Variants in ZNF488 observed in about 807,000 individuals in gnomAD.
ZNF488 encodes zinc finger protein 488.
A neutral mutation model predicts 1.2 loss-of-function variants in ZNF488; 1 was observed. The observed-to-expected ratio is 0.86, with a 90% CI of 0.30 to 4.07. The LOEUF is 4.07. Ranked by LOEUF, ZNF488 falls within the 30% of genes most tolerant of loss-of-function variation. The pLI, the probability that ZNF488 is intolerant of heterozygous loss-of-function variation, is 0.18. For synonymous variants in ZNF488, 185 were observed against 190.1 expected, an observed-to-expected ratio of 0.97 and a Z score of 0.22; for missense variants, 450 against 437.9, an observed-to-expected ratio of 1.03 and a Z score of -0.25.
chr10:47,379,177 G>C (rs1224119700), intron 1 of ZNF488, among the ~76,000 whole-genome samples: 2 of 131,814 alleles, frequency 1.5e-5, no homozygotes, highest in Non-Finnish European at 3.3e-5. Context: ...TATCGGCTAC[G>C]TAAGTATCTA....
chr10:47,369,431 G>C (rs1837380340), intron 1 of ZNF488, among the ~76,000 whole-genome samples: 1 of 152,148 alleles, frequency 6.6e-6, no homozygotes, highest in African/African-American at 2.4e-5. Context: ...AGTGCTGAGG[G>C]CACAGGGAGG....
intron 1 of ZNF488, among the ~76,000 whole-genome samples, chr10:47,374,836 A>T (rs1443376157): frequency 1.3e-5 from 2 of 152,180 alleles, no homozygotes; most frequent in Non-Finnish European, 2.9e-5. Context: ...TCGACTGCAC[A>T]TCCGGGGCTG....
chr10:47,375,965 G>A (rs1011125770), intron 1 of ZNF488, among the ~76,000 whole-genome samples: 12 of 152,208 alleles, frequency 7.9e-5, no homozygotes, highest in African/African-American at 2.2e-4. Flanking sequence ...GACGTAAATC[G>A]AGAGTGTTTG....
At chr10:47,380,422 C>G (rs1347218219) in intron 1 of ZNF488, among the ~76,000 whole-genome samples, 6 of 152,296 alleles carry the variant, frequency 3.9e-5, no homozygotes, top group Non-Finnish European at 8.8e-5. Flanking sequence ...CTGAGCTCCC[C>G]AAGTCTACAG....
At chr10:47,384,180 C>G (rs1555215889) in intron 1 of ZNF488, 40 bp downstream of exon 1, 1 of 153,612 alleles carries the variant, frequency 6.5e-6, no homozygotes, top group Non-Finnish European at 1.4e-5. Flanking sequence ...CCCGCGCCCG[C>G]TCGCGGCTCT....
Position 47,365,946 on chromosome 10 carries a change from AG to A in ZNF488, c.*1860del, listed in dbSNP as rs1321527187. On this transcript the variant is annotated 3_prime_UTR_variant, in exon 2 of 2. Transcript: ENST00000585316. ...CCCACTGCCACCTGTGGGCCTCATA[AG>A]GGCAAGCTCGGCCCATGAAGGTAGC... 6.0e-6 allele frequency: 1 copy of A among 167,152 alleles called. No homozygotes were observed. Among genetic ancestry groups the A allele is most frequent in the Non-Finnish European group, 1.5e-5 (1 of 68,162 alleles). The allele number at this position is 167,152 out of a possible 1,614,324, so 10.4% of individuals were successfully genotyped here. A position where few individuals can be genotyped will look rare whatever the true frequency, so the allele number is the denominator to read the frequency against.
chr10:47,376,879 T>G (rs1837699861), intron 1 of ZNF488, among the ~76,000 whole-genome samples: 1 of 152,246 alleles, frequency 6.6e-6, no homozygotes, highest in Non-Finnish European at 1.5e-5. Context: ...TACCCTTGTG[T>G]GCAGACTTGA....
At chr10:47,379,418 G>A (rs1274175138) in intron 1 of ZNF488, among the ~76,000 whole-genome samples, 1 of 135,828 alleles carries the variant, frequency 7.4e-6, no homozygotes, top group Non-Finnish European at 1.6e-5. Context: ...CTCCATCAAT[G>A]TTAACATCCA....
chr10:47,377,774 CA>C (rs1219849066), intron 1 of ZNF488, among the ~76,000 whole-genome samples: 1 of 152,048 alleles, frequency 6.6e-6, no homozygotes, highest in Non-Finnish European at 1.5e-5. Flanking sequence ...CAGCATCTAG[CA>C]GCAGCTGCCA....
Position 47,367,919 on chromosome 10 carries a change from C to A in ZNF488, c.911G>T (p.Gly304Val), listed in dbSNP as rs1837278251. ...CCGCTTCTGAGAATGTGGGTCAGGC[C>A]CCGCATGCTCCTTTTTGTGGTGGGA... The part of the protein sequence containing the change: ...MRSHHKKEHA[G>V]PDPHSQKRRE... Residue 304 changes from glycine to valine, a missense_variant, in exon 2 of 2, where the codon GGG (glycine) becomes GTG (valine). Coordinates refer to ENST00000585316, the MANE Select transcript of ZNF488 (RefSeq NM_153034.4). The A allele has an allele frequency of 1.2e-6, 2 of 1,613,990 alleles. No homozygotes were observed. The highest frequency in any genetic ancestry group is 1.7e-6 in the Non-Finnish European group (2 of 1,180,048).
Position 47,368,871 on chromosome 10 carries a change from C to A in ZNF488, c.-42G>T, listed in dbSNP as rs782795775. 1 of 1,536,750 alleles carries A rather than the reference C, an allele frequency of 6.5e-7. No individual in the cohort carries two copies. The highest frequency in any genetic ancestry group is 8.7e-7 in the Non-Finnish European group (1 of 1,144,472). ...GTTTGGGGTTCTGGAGGGCTTGGCC[C>A]AGCAAGGAGCCATGAGATATGGAAG... On this transcript the variant is annotated 5_prime_UTR_variant, in exon 2 of 2. Coordinates refer to ENST00000585316, the MANE Select transcript of ZNF488 (RefSeq NM_153034.4).
intron 1 of ZNF488, among the ~76,000 whole-genome samples, chr10:47,371,194 G>A (rs995166474): frequency 8.5e-5 from 13 of 152,172 alleles, no homozygotes; most frequent in Non-Finnish European, 5.9e-5. Flanking sequence ...GAGAGTGCCC[G>A]GGGAGGGGCA....
At chr10:47,378,181 C>A (rs1837765222) in intron 1 of ZNF488, among the ~76,000 whole-genome samples, 2 of 152,264 alleles carry the variant, frequency 1.3e-5, no homozygotes, top group Admixed American at 1.3e-4. Flanking sequence ...CCTGGCAGAG[C>A]TTCGCGAACT....
intron 1 of ZNF488, among the ~76,000 whole-genome samples, chr10:47,378,173 T>C (rs1837764675): frequency 1.3e-5 from 2 of 152,246 alleles, no homozygotes; most frequent in African/African-American, 4.8e-5. Flanking sequence ...TCTGCTCCCC[T>C]GGCAGAGCTT....
rs966532272 is a variant in ZNF488 at position 47,368,256 on chromosome 10, G to T, written c.574C>A (p.Leu192Met). 4.3e-6 allele frequency: 7 copies of T among 1,614,138 alleles called. No individual in the cohort carries two copies. The Admixed American group carries it at 5.0e-5, about 12-fold the overall frequency. Residue 192 changes from leucine (L) to methionine (M), a missense_variant, in exon 2 of 2, where the codon CTG (leucine) becomes ATG (methionine). Transcript: ENST00000585316. The stretch of plus-strand genomic sequence containing the variant: ...TCTGTAGTGTTGAGGAGTCCAGACA[G>T]CTCCCCCAGGGCATCTGCAGATTCC... ...AGESADALGE[L>M]SGLLNTTDLA...
In ZNF488 at chr10:47,368,038, G is replaced by A. The variant is rs782553672; in HGVS notation, c.792C>T (p.Pro264=). The part of the protein sequence containing the change: ...SSTTSWALLP[P]TLTSLGLSTQ... ...TGGACAAGCCCAGGGAGGTGAGGGT[G>A]GGTGGCAGGAGGGCCCACGAAGTGG... Residue 264 remains proline (P), a synonymous_variant, in exon 2 of 2, where the codon CCC becomes CCT. Transcript: ENST00000585316. 10 of 1,613,964 alleles carry A rather than the reference G, an allele frequency of 6.2e-6. No homozygotes were observed. The highest frequency in any genetic ancestry group is 7.6e-6 in the Non-Finnish European group (9 of 1,179,978).
chr10:47,369,615 G>A (rs577986706), intron 1 of ZNF488, among the ~76,000 whole-genome samples: 10 of 152,094 alleles, frequency 6.6e-5, no homozygotes, highest in Non-Finnish European at 1.0e-4. Flanking sequence ...GCTTCTGCGC[G>A]GTCTCTGATT....
intron 1 of ZNF488, among the ~76,000 whole-genome samples, chr10:47,370,106 T>C (rs183324922): frequency 3.5e-4 from 54 of 152,326 alleles, no homozygotes; most frequent in African/African-American, 1.1e-3. Flanking sequence ...CATATTCCCA[T>C]AGGGCCAAGG....
intron 1 of ZNF488, 150 bp from the exon 2 acceptor site, chr10:47,369,087 C>T (rs1375972569): frequency 4.0e-6 from 2 of 503,848 alleles, no homozygotes; most frequent in Non-Finnish European, 6.9e-6. Flanking sequence ...TCTCAGGAGA[C>T]AAGGAGCATG....
Sources: allele counts gnomAD v4.1 joint callset (sites outside exome capture counted in the v4.1 genomes callset), GRCh38; gene constraint gnomAD v4.1.1; transcripts MANE v1.5; gene names NCBI Gene and HGNC (gene_info 2026-07-23, HGNC 2026-07-21).